GLT8D2: variants seen among roughly 807,000 people sequenced by gnomAD.
GLT8D2 encodes the protein glycosyltransferase 8 domain-containing protein 2.
In GLT8D2, 45 loss-of-function variants were observed where a neutral mutation model predicts 44.5. That is an observed-to-expected ratio of 1.01 (90% CI 0.80 to 1.30). GLT8D2 has a LOEUF of 1.30. Among genes scored for constraint, GLT8D2 ranks in the 50% most tolerant of loss-of-function variants. The pLI is 0.00. For synonymous variants in GLT8D2, 156 were observed against 157.2 expected (o/e 0.99, Z 0.06); for missense variants, 400 against 430.4 (o/e 0.93, Z 0.62).
chr12:104,016,774 A>AAAG lies in GLT8D2; in HGVS notation c.20-1670_20-1669insCTT, dbSNP rs1566199639. ...AAGAAAGAAAGAAAGAAAGAAAGAA[A>AAAG]GAAGGAAGGAAGGAAGGAAGGAAGG... is the stretch of plus-strand genomic sequence containing the variant. On this transcript the variant is annotated intron_variant, in intron 3 of 10. Transcript: ENST00000360814. Among the ~76,000 whole-genome samples the AAAG allele has an allele frequency of 8.6e-3, 503 of 58,362 alleles. 15 individuals carry two copies. The highest frequency in any genetic ancestry group is 0.013 in the Non-Finnish European group (380 of 30,018). The allele number at this position is 58,362 out of a possible 152,430, so 38.3% of individuals were successfully genotyped here. A position where few individuals can be genotyped will look rare whatever the true frequency, so the allele number is the denominator to read the frequency against.
At chr12:104,042,714 G>T (rs1018571762) in intron 1 of GLT8D2, among the ~76,000 whole-genome samples, 5 of 152,138 alleles carry the variant, frequency 3.3e-5, no homozygotes, top group Non-Finnish European at 7.4e-5. Context: ...ACTGAAAGAA[G>T]AATTGTCTTG....
intron 1 of GLT8D2, among the ~76,000 whole-genome samples, chr12:104,033,797 T>C (rs1879619300): frequency 1.3e-5 from 1 of 74,642 alleles, no homozygotes; most frequent in East Asian, 3.5e-4. Flanking sequence ...TATATATGTG[T>C]GTGTGTGTGT....
chr12:104,015,219 T>G, intron 3 of GLT8D2, 114 bp from the exon 4 acceptor site: 1 of 710,024 alleles, frequency 1.4e-6, no homozygotes, highest in South Asian at 1.7e-5. Context: ...GAGTGGTATC[T>G]GAGACCTTTC....
In GLT8D2 at chr12:103,993,373, G is replaced by C; in HGVS notation, c.880+19C>G. 1 of 1,569,166 alleles carries C rather than the reference G, an allele frequency of 6.4e-7. No homozygotes were observed. The highest frequency in any genetic ancestry group is 8.8e-7 in the Non-Finnish European group (1 of 1,139,190). On this transcript the variant is annotated intron_variant, in intron 10 of 10. Coordinates refer to ENST00000360814, the MANE Select transcript of GLT8D2 (RefSeq NM_001384711.1). The stretch of plus-strand genomic sequence containing the variant: ...ATGGACATTTGCGTTTTTCTAAACA[G>C]TTTTTCTGAAATACTTACCCAGGTG...
At chr12:104,057,682 T>C (rs1882296395) in intron 1 of GLT8D2, among the ~76,000 whole-genome samples, 1 of 152,218 alleles carries the variant, frequency 6.6e-6, no homozygotes, top group African/African-American at 2.4e-5. Context: ...CACAAAACAA[T>C]TGTAATTTTT....
chr12:104,062,222 C>G (rs528379580), intron 1 of GLT8D2, among the ~76,000 whole-genome samples: 9 of 151,868 alleles, frequency 5.9e-5, no homozygotes, highest in African/African-American at 1.9e-4. Context: ...TACAGGCATG[C>G]ACCACCACGC....
intron 3 of GLT8D2, among the ~76,000 whole-genome samples, chr12:104,018,023 G>GCAGCA (rs1345913254): frequency 6.6e-6 from 1 of 151,942 alleles, no homozygotes; most frequent in East Asian, 1.9e-4. Flanking sequence ...TGGCTGGAGT[G>GCAGCA]CAGCAGTGTG....
chr12:104,045,491 G>A (rs1421902646), intron 1 of GLT8D2, among the ~76,000 whole-genome samples: 4 of 152,142 alleles, frequency 2.6e-5, no homozygotes, highest in African/African-American at 7.2e-5. Context: ...CTTCAAAGAG[G>A]GGAGAAAAGA....
At chr12:104,001,752 G>A (rs922392191) in intron 5 of GLT8D2, among the ~76,000 whole-genome samples, 1 of 152,014 alleles carries the variant, frequency 6.6e-6, no homozygotes, top group African/African-American at 2.4e-5. Context: ...CACCCAGGCT[G>A]AAGCGCAGTG....
chr12:104,044,634 C>T (rs372331449), intron 1 of GLT8D2, among the ~76,000 whole-genome samples: 79 of 152,328 alleles, frequency 5.2e-4, no homozygotes, highest in Admixed American at 1.8e-3. Flanking sequence ...CTACTAATTA[C>T]ACCTCTGCAA....
chr12:104,003,877 G>C (rs7133472), intron 4 of GLT8D2, among the ~76,000 whole-genome samples: 126 of 152,210 alleles, frequency 8.3e-4, no homozygotes, highest in Non-Finnish European at 1.5e-3. Context: ...AGAAATTCTC[G>C]AGTTTGCAGG....
At chr12:104,053,883 C>CAAA (rs10642482), upstream of GLT8D2, among the ~76,000 whole-genome samples, 107 of 140,370 alleles carry the variant, frequency 7.6e-4, no homozygotes, top group African/African-American at 2.4e-3. Flanking sequence ...GACTCCGTCT[C>CAAA]AAAAAAAAAA....
At chr12:104,016,826 A>AAAGGAAAG (rs1304515840) in intron 3 of GLT8D2, among the ~76,000 whole-genome samples, 2 of 72,552 alleles carry the variant, frequency 2.8e-5, no homozygotes, top group Non-Finnish European at 5.3e-5. Context: ...AAAGAGAAAG[A>AAAGGAAAG]AAAGAAAGAA....
intron 5 of GLT8D2, among the ~76,000 whole-genome samples, chr12:104,001,442 G>A (rs1041502340): frequency 6.6e-6 from 1 of 152,184 alleles, no homozygotes; most frequent in Non-Finnish European, 1.5e-5. Context: ...ACAACCTTTT[G>A]ATAGATATTG....
chr12:104,058,539 T>C (rs895560623), intron 1 of GLT8D2, among the ~76,000 whole-genome samples: 2 of 152,200 alleles, frequency 1.3e-5, no homozygotes, highest in Non-Finnish European at 2.9e-5. Context: ...ATCCTTTGAC[T>C]AACCCTAAGA....
chr12:104,064,428 C>A, upstream of GLT8D2: 3 of 859,526 alleles, frequency 3.5e-6, no homozygotes, highest in East Asian at 3.4e-5. The surrounding 1 kb of genome is among the most constrained non-coding windows in gnomAD (Gnocchi z 7.3). Context: ...TGCCCGCGGG[C>A]CTCCAGCCTG....
Position 103,997,436 on chromosome 12 carries a change from A to G in GLT8D2, c.487+15T>C, listed in dbSNP as rs1566190725. The stretch of plus-strand genomic sequence containing the variant: ...TGCTTCTTTTCCAAGTGTTCTTGGC[A>G]GTTAGCGAGAGTACCTTGTACAATT... On this transcript the variant is annotated intron_variant, in intron 7 of 10. Coordinates refer to ENST00000360814, the MANE Select transcript of GLT8D2 (RefSeq NM_001384711.1). 1 of 1,571,674 alleles carries G rather than the reference A, an allele frequency of 6.4e-7. No individual in the cohort carries two copies. Among genetic ancestry groups the G allele is most frequent in the South Asian group, 1.1e-5 (1 of 90,018 alleles).
At chr12:103,997,375 G>GAA in intron 7 of GLT8D2, 76 bp downstream of exon 7, 1 of 1,053,992 alleles carries the variant, frequency 9.5e-7, no homozygotes. Context: ...TTAGTTATTT[G>GAA]AAAAATGAAG....
intron 3 of GLT8D2, among the ~76,000 whole-genome samples, chr12:104,016,537 G>A (rs1263615000): frequency 2.6e-5 from 4 of 151,418 alleles, no homozygotes; most frequent in African/African-American, 9.7e-5. Flanking sequence ...AGGAGGTTGA[G>A]GCAAGAGAAT....
Sources: gnomAD v4.1 joint callset for allele counts (sites outside exome capture counted in the v4.1 genomes callset) on GRCh38, gnomAD v4.1.1 for gene constraint, Gnocchi (gnomAD v3.1) non-coding constraint, MANE v1.5 for transcripts, NCBI Gene and HGNC (gene_info 2026-07-23, HGNC 2026-07-21) for gene names.